Variants in CSMD1 observed in about 807,000 individuals in gnomAD.
The protein encoded by CSMD1 is CUB and sushi domain-containing protein 1.
A neutral mutation model predicts 417.5 loss-of-function variants in CSMD1; 213 were observed. That is an observed-to-expected ratio of 0.51 (90% CI 0.46 to 0.57). The LOEUF (loss-of-function observed/expected upper bound fraction) is 0.57. Ranked by LOEUF, CSMD1 falls within the 20% of genes least tolerant of loss-of-function variation. The pLI, the probability that CSMD1 is intolerant of heterozygous loss-of-function variation, is 0.00. For synonymous variants in CSMD1, 2,862 were observed against 1,736.8 expected (o/e 1.65, Z -16.11); for missense variants, 6,923 against 4,529.7 (o/e 1.53, Z -15.17).
chr8:4,050,198 C>A (rs1585207270), intron 3 of CSMD1, among the ~76,000 whole-genome samples: 1 of 152,210 alleles, frequency 6.6e-6, no homozygotes, highest in Admixed American at 6.5e-5. Flanking sequence ...TTGACTTGAT[C>A]ACTTGGCTAG....
intron 10 of CSMD1, among the ~76,000 whole-genome samples, chr8:3,566,766 A>C (rs1376626940): frequency 1.3e-5 from 2 of 152,200 alleles, no homozygotes; most frequent in Non-Finnish European, 2.9e-5. Flanking sequence ...ATTATTAAAA[A>C]GTCAGAATTT....
At chr8:3,689,122 C>G (rs2129031956) in intron 7 of CSMD1, among the ~76,000 whole-genome samples, 1 of 152,288 alleles carries the variant, frequency 6.6e-6, no homozygotes, top group South Asian at 2.1e-4. Flanking sequence ...AACCAAACAA[C>G]TCCATGCTTT....
chr8:4,178,629 G>A (rs1446457342), intron 3 of CSMD1, among the ~76,000 whole-genome samples: 1 of 151,998 alleles, frequency 6.6e-6, no homozygotes, highest in Non-Finnish European at 1.5e-5. Context: ...TAGGAAAAGA[G>A]GAAGTCAAAT....
At chr8:4,717,323 A>G (rs1808721472) in intron 1 of CSMD1, among the ~76,000 whole-genome samples, 1 of 147,636 alleles carries the variant, frequency 6.8e-6, no homozygotes, top group Non-Finnish European at 1.5e-5. Context: ...ATATATATAT[A>G]TATACACACA....
chr8:4,080,311 G>A (rs948953791), intron 3 of CSMD1, among the ~76,000 whole-genome samples: 1 of 152,122 alleles, frequency 6.6e-6, no homozygotes, highest in Non-Finnish European at 1.5e-5. Flanking sequence ...CTAAGAGTAA[G>A]GCACGATCTT....
intron 2 of CSMD1, among the ~76,000 whole-genome samples, chr8:4,520,300 A>C (rs554782570): frequency 7.9e-5 from 12 of 152,338 alleles, no homozygotes; most frequent in Non-Finnish European, 7.3e-5. Flanking sequence ...TCAGTTTCAC[A>C]TGACTAATGT....
chr8:3,324,723 G>C (rs554553581), intron 23 of CSMD1, among the ~76,000 whole-genome samples: 2 of 152,178 alleles, frequency 1.3e-5, no homozygotes, highest in African/African-American at 2.4e-5. Context: ...TCTAACCCCA[G>C]AGACCCAGGA....
intron 3 of CSMD1, among the ~76,000 whole-genome samples, chr8:4,058,181 C>A (rs1798795957): frequency 1.3e-5 from 2 of 152,094 alleles, no homozygotes; most frequent in African/African-American, 2.4e-5. Context: ...GAATGTTCTT[C>A]CATTTCTTTG....
intron 3 of CSMD1, among the ~76,000 whole-genome samples, chr8:4,186,081 T>A (rs1798659332): frequency 6.6e-6 from 1 of 152,106 alleles, no homozygotes; most frequent in Non-Finnish European, 1.5e-5. Context: ...ACGCAGCTGT[T>A]AGAGGAGGCA....
intron 1 of CSMD1, among the ~76,000 whole-genome samples, chr8:4,945,673 T>A (rs926033739): frequency 1.3e-5 from 2 of 152,172 alleles, no homozygotes; most frequent in Non-Finnish European, 2.9e-5. Context: ...GGAGACTTTT[T>A]TCAAGAGAAC....
At chr8:3,192,710 G>C (rs148122697) in intron 33 of CSMD1, among the ~76,000 whole-genome samples, 2 of 152,264 alleles carry the variant, frequency 1.3e-5, no homozygotes, top group East Asian at 3.9e-4. Flanking sequence ...ATGACACAAA[G>C]TGTTGACTGC....
At chr8:3,083,206 T>C (rs1281904266) in intron 49 of CSMD1, among the ~76,000 whole-genome samples, 1 of 152,124 alleles carries the variant, frequency 6.6e-6, no homozygotes, top group Non-Finnish European at 1.5e-5. Context: ...ATGCTAGTTT[T>C]TTTAAAAAGA....
At chr8:4,244,735 T>G (rs907493096) in intron 3 of CSMD1, among the ~76,000 whole-genome samples, 4 of 152,100 alleles carry the variant, frequency 2.6e-5, no homozygotes, top group African/African-American at 9.7e-5. Flanking sequence ...AATGGAATAA[T>G]TTTTTTACAG....
At chr8:3,004,590 G>C (rs1263339259) in intron 52 of CSMD1, among the ~76,000 whole-genome samples, 1 of 152,180 alleles carries the variant, frequency 6.6e-6, no homozygotes, top group Non-Finnish European at 1.5e-5. Context: ...GATAGACAAT[G>C]TAAATATATC....
chr8:3,735,664 T>C (rs28587021), intron 6 of CSMD1, among the ~76,000 whole-genome samples: 2 of 152,162 alleles, frequency 1.3e-5, no homozygotes, highest in African/African-American at 2.4e-5. Context: ...GGCTGAGAAA[T>C]GGGCTGCCCT....
intron 1 of CSMD1, among the ~76,000 whole-genome samples, chr8:4,672,418 A>T (rs1805387540): frequency 6.6e-6 from 1 of 152,170 alleles, no homozygotes; most frequent in South Asian, 2.1e-4. Flanking sequence ...ATGGGCAGAA[A>T]ATATTTGTAG....
chr8:4,170,637 T>G (rs1797717981), intron 3 of CSMD1, among the ~76,000 whole-genome samples: 1 of 151,870 alleles, frequency 6.6e-6, no homozygotes, highest in Non-Finnish European at 1.5e-5. Context: ...AACATTTGTT[T>G]TATTACATTC....
At chr8:3,579,395 C>A (rs756706014) in intron 9 of CSMD1, among the ~76,000 whole-genome samples, 1 of 152,074 alleles carries the variant, frequency 6.6e-6, no homozygotes, top group Non-Finnish European at 1.5e-5. Context: ...TCTTATGGTT[C>A]TATAGTAACT....
intron 3 of CSMD1, among the ~76,000 whole-genome samples, chr8:4,369,393 G>A (rs1037483580): frequency 1.3e-5 from 2 of 152,140 alleles, no homozygotes; most frequent in African/African-American, 4.8e-5. Context: ...TGTGCCATGT[G>A]CAGGTAAGAA....
Sources: gnomAD v4.1 joint callset for allele counts (sites outside exome capture counted in the v4.1 genomes callset) on GRCh38, gnomAD v4.1.1 for gene constraint, MANE v1.5 for transcripts, NCBI Gene and HGNC (gene_info 2026-07-23, HGNC 2026-07-21) for gene names.